WDR93: variants seen among roughly 807,000 people sequenced by gnomAD.
WDR93 encodes WD repeat domain 93, also known as WD repeat-containing protein 93.
Under a neutral mutation model 82.9 loss-of-function variants are expected in WDR93, and 73 were observed. The observed-to-expected ratio is 0.88, with a 90% CI of 0.73 to 1.07. WDR93 has a LOEUF of 1.07. Among genes scored for constraint, WDR93 ranks in the 50% least tolerant of loss-of-function variants. The pLI is 0.00. For synonymous variants in WDR93, 283 were observed against 300.1 expected (o/e 0.94, Z 0.59); for missense variants, 738 against 826.0 (o/e 0.89, Z 1.31).
intron 8 of WDR93, among the ~76,000 whole-genome samples, chr15:89,726,696 TG>T (rs1402539776): frequency 6.6e-6 from 1 of 152,126 alleles, no homozygotes; most frequent in Admixed American, 6.5e-5. Context: ...GGAAGGTAAT[TG>T]GGTAAATGTT....
At position 89,700,979 on chromosome 15, in the gene WDR93, TACACAC is replaced by T. The variant is rs34106334; in HGVS notation, c.-40-706_-40-701del. On this transcript the variant is annotated intron_variant, in intron 1 of 16. Transcript: ENST00000268130. ...TGATGTATGCATATATATGTGTGTGTACACACACACACACACACACACACACAGAGT... is the reference window on the plus strand; with the variant it reads ...TGATGTATGCATATATATGTGTGTGTACACACACACACACACACACAGAGT... 1.5e-3 allele frequency among the ~76,000 whole-genome samples: 221 copies of T among 150,240 alleles called. 1 individual carries two copies. The highest frequency in any genetic ancestry group is 3.8e-3 in the African/African-American group (158 of 41,070).
At chr15:89,700,852 G>C (rs755695341) in intron 1 of WDR93, among the ~76,000 whole-genome samples, 9 of 151,818 alleles carry the variant, frequency 5.9e-5, no homozygotes, top group Non-Finnish European at 1.3e-4. Flanking sequence ...CCACCCCACA[G>C]GCCCTACAAT....
chr15:89,704,282 C>G (rs546714105), intron 3 of WDR93: 1 of 151,558 alleles, frequency 6.6e-6, no homozygotes, highest in Non-Finnish European at 1.5e-5. Flanking sequence ...GAGCTGAGAT[C>G]GCACCATTGC....
chr15:89,732,793 A>G (rs536852702), intron 12 of WDR93, among the ~76,000 whole-genome samples: 14 of 151,626 alleles, frequency 9.2e-5, no homozygotes, highest in Non-Finnish European at 1.2e-4. Context: ...CCCCTCCCCA[A>G]TTCCTCTCCA....
At chr15:89,700,374 T>TA (rs140154184) in intron 1 of WDR93, among the ~76,000 whole-genome samples, 1 of 152,048 alleles carries the variant, frequency 6.6e-6, no homozygotes, top group Non-Finnish European at 1.5e-5. Flanking sequence ...CTCCAGCCGG[T>TA]AAAAAAAGAT....
Position 89,733,057 on chromosome 15 carries a change from T to G in WDR93, c.1382T>G (p.Ile461Ser). ...CCTCAGGGATGTTTCTGCCAAAGCA[T>G]TCACTTCCTAAAATATTTCTCGGTC... ...ALPQGCFCQS[I>S]HFLKYFSVHK... The change falls in exon 13 of 17, where the codon ATT becomes AGT. Residue 461 changes from isoleucine (I) to serine (S), a missense_variant. Transcript: ENST00000268130. The G allele has an allele frequency of 6.2e-7, 1 of 1,614,160 alleles. No homozygotes were observed. Among genetic ancestry groups the G allele is most frequent in the South Asian group, 1.1e-5 (1 of 91,076 alleles).
chr15:89,700,559 GTTTTTTTT>G lies in WDR93; in HGVS notation c.-40-1134_-40-1127del, dbSNP rs5814397. Among the ~76,000 whole-genome samples the G allele has an allele frequency of 3.9e-3, 484 of 124,730 alleles. 5 individuals are homozygous for G. Among genetic ancestry groups the G allele is most frequent in the African/African-American group, 0.013 (438 of 34,346 alleles). The allele number at this position is 124,730 out of a possible 152,430, so 81.8% of individuals were successfully genotyped here. A position where few individuals can be genotyped will look rare whatever the true frequency, so the allele number is the denominator to read the frequency against. ...TTTTATAATGTACACAATATTGAGG[GTTTTTTTT>G]TTTTTTTTTTTTTGAGGCAAGGTCT... On this transcript the variant is annotated intron_variant, in intron 1 of 16. Transcript: ENST00000268130.
chr15:89,709,349 T>C (rs1170235725), intron 4 of WDR93, among the ~76,000 whole-genome samples: 1 of 152,128 alleles, frequency 6.6e-6, no homozygotes, highest in Non-Finnish European at 1.5e-5. Flanking sequence ...TTTTGCCTGT[T>C]AACCAGATAA....
At chr15:89,716,804 C>A in intron 6 of WDR93, 107 bp from the exon 7 acceptor site, 1 of 797,706 alleles carries the variant, frequency 1.3e-6, no homozygotes, top group Non-Finnish European at 2.0e-6. Flanking sequence ...TGCATGAATT[C>A]ACTCACAAGA....
At chr15:89,721,307 A>C (rs1360050245) in intron 7 of WDR93, 1 of 152,180 alleles carries the variant, frequency 6.6e-6, no homozygotes, top group African/African-American at 2.4e-5. Context: ...CTGTAATCCC[A>C]TTACTTTGGG....
chr15:89,738,214 T>G lies in WDR93; in HGVS notation c.1939T>G (p.Cys647Gly), dbSNP rs768299379. The change falls in exon 16 of 17, where the codon TGT (cysteine) becomes GGT (glycine). Residue 647 changes from cysteine (C) to glycine (G), a missense_variant. Physicochemically the swap from Cys to Gly is radical, Grantham distance 159 (BLOSUM62 -3). Transcript: ENST00000268130. ...FPQALPLEKR[C>G]ERFLQKSYRK... ...CCAAGCACTGCCACTGGAGAAGAGA[T>G]GTGAGCGTTTCCTCCAGAAGAGGTA... 3 of 1,611,768 alleles carry G rather than the reference T, an allele frequency of 1.9e-6. No individual in the cohort carries two copies. The African/African-American group carries it at 4.0e-5, about 22-fold the overall frequency.
chr15:89,722,971 A>G (rs1966586575), intron 8 of WDR93, among the ~76,000 whole-genome samples: 1 of 152,112 alleles, frequency 6.6e-6, no homozygotes, highest in Non-Finnish European at 1.5e-5. Flanking sequence ...TTGGGAGGCC[A>G]AGGTGGGCAG....
Position 89,715,333 on chromosome 15 carries a change from G to T in WDR93, c.756+238G>T, listed in dbSNP as rs151208483. On this transcript the variant is annotated intron_variant, in intron 6 of 16. Coordinates refer to ENST00000268130, the MANE Select transcript of WDR93 (RefSeq NM_020212.2). Reference sequence around the variant, plus strand: ...CTAGTCTGGGAGTTGCCTCTCCACTGAGACCACTCCCAGGCATTTCTCTGG... The same window carrying T: ...CTAGTCTGGGAGTTGCCTCTCCACTTAGACCACTCCCAGGCATTTCTCTGG... Among the ~76,000 whole-genome samples, 26 of 152,296 alleles carry T rather than the reference G, an allele frequency of 1.7e-4. No individual in the cohort carries two copies. In the East Asian group the frequency reaches 4.8e-3, roughly 28 times the overall value.
At chr15:89,698,058 G>C (rs1245325713) in intron 1 of WDR93, among the ~76,000 whole-genome samples, 1 of 149,238 alleles carries the variant, frequency 6.7e-6, no homozygotes, top group Admixed American at 6.7e-5. Context: ...TTTTTTTTTT[G>C]TAATTTTAGT....
intron 12 of WDR93, among the ~76,000 whole-genome samples, chr15:89,732,626 C>T (rs957973844): frequency 1.3e-5 from 2 of 151,920 alleles, no homozygotes; most frequent in African/African-American, 4.8e-5. Context: ...CACACACACA[C>T]ACACACACAC....
chr15:89,736,191 CA>C (rs1192168767), intron 14 of WDR93, among the ~76,000 whole-genome samples: 1 of 152,214 alleles, frequency 6.6e-6, no homozygotes, highest in Non-Finnish European at 1.5e-5. Flanking sequence ...CGATGGACTC[CA>C]CATTCTTCAC....
At chr15:89,716,483 T>C (rs539885321) in intron 6 of WDR93, among the ~76,000 whole-genome samples, 19 of 152,246 alleles carry the variant, frequency 1.2e-4, no homozygotes, top group Non-Finnish European at 2.6e-4. Flanking sequence ...CACTTCTTTT[T>C]CATACACTGA....
Position 89,694,524 on chromosome 15 carries a change from T to C in WDR93, c.-41+3667T>C, listed in dbSNP as rs148741411. On this transcript the variant is annotated intron_variant, in intron 1 of 16. Coordinates refer to ENST00000268130, the MANE Select transcript of WDR93 (RefSeq NM_020212.2). ...TGCTGGGATTACAGGCGTGAGCCAC[T>C]GCACCCGGCCGGGTTACTTCTTTTA... Among the ~76,000 whole-genome samples the C allele has an allele frequency of 2.1e-3, 315 of 152,266 alleles. 1 individual carries two copies. Among genetic ancestry groups the C allele is most frequent in the African/African-American group, 6.9e-3 (286 of 41,560 alleles).
intron 14 of WDR93, among the ~76,000 whole-genome samples, chr15:89,736,935 G>C (rs1002255293): frequency 6.6e-6 from 1 of 152,104 alleles, no homozygotes; most frequent in African/African-American, 2.4e-5. Flanking sequence ...GGGACTACAG[G>C]TGCCCGCTAG....
Sources: gnomAD v4.1 joint callset for allele counts (sites outside exome capture counted in the v4.1 genomes callset) on GRCh38, gnomAD v4.1.1 for gene constraint, MANE v1.5 for transcripts, NCBI Gene and HGNC (gene_info 2026-07-23, HGNC 2026-07-21) for gene names.